IRAK1BP1: variants seen among roughly 807,000 people sequenced by gnomAD.
IRAK1BP1 encodes interleukin 1 receptor associated kinase 1 binding protein 1.
In IRAK1BP1, 24 loss-of-function variants were observed where a neutral mutation model predicts 28.0. That is an observed-to-expected ratio of 0.86 (90% confidence interval 0.62 to 1.20). IRAK1BP1 has a LOEUF of 1.20. Among genes scored for constraint, IRAK1BP1 ranks in the 50% most tolerant of loss-of-function variants. The probability of loss-of-function intolerance (pLI) is 0.00; values close to 1 mark genes in which losing one functional copy is unlikely to be tolerated. For synonymous variants in IRAK1BP1, 131 were observed against 116.3 expected, an observed-to-expected ratio of 1.13 and a Z score of -0.81; for missense variants, 336 against 316.7, an observed-to-expected ratio of 1.06 and a Z score of -0.46.
chr6:78,945,523 A>C (rs1399759390), exon 5 of IRAK1BP1: 1 of 1,413,634 alleles, frequency 7.1e-7, no homozygotes, highest in South Asian at 1.2e-5. Context: ...AAAATTTAAA[A>C]ATTAAGAGTT....
rs979179791 is a variant in IRAK1BP1 at position 78,902,435 on chromosome 6, A to C, written c.*4101A>C. 6.5e-6 allele frequency: 1 copy of C among 152,866 alleles called. No homozygotes were observed. The highest frequency in any genetic ancestry group is 3.4e-3 in the Middle Eastern group (1 of 296). 9.5% of individuals were successfully genotyped at this position (152,866 alleles called of 1,614,324 possible). A position where few individuals can be genotyped will look rare whatever the true frequency, so the allele number is the denominator to read the frequency against. ...GCTTGAGCCACTGCACCCAGCCCCA[A>C]ATAGCTTCTACTCATAACCTAGTGT... On this transcript the variant is annotated 3_prime_UTR_variant, in exon 4 of 4. Transcript: ENST00000369940.
At chr6:78,953,809 C>G in the IRAK1BP1 span, among the ~76,000 whole-genome samples, 1 of 152,248 alleles carries the variant, frequency 6.6e-6, no homozygotes, top group Non-Finnish European at 1.5e-5. Flanking sequence ...TGGTCTTGAA[C>G]TCCTGGCCTC....
the IRAK1BP1 span, chr6:78,955,152 T>C: frequency 1.9e-6 from 2 of 1,031,024 alleles, no homozygotes; most frequent in Non-Finnish European, 2.8e-6. Context: ...TTTAAAATGC[T>C]AAGAGTAAAA....
chr6:78,939,622 T>G (rs1773393037), intron 4 of IRAK1BP1: 1 of 151,960 alleles, frequency 6.6e-6, no homozygotes, highest in Non-Finnish European at 1.5e-5. Context: ...TTTATCAATA[T>G]ATACACATAC....
At chr6:78,936,429 G>T (rs1187931516) in intron 4 of IRAK1BP1, 1 of 151,768 alleles carries the variant, frequency 6.6e-6, no homozygotes, top group Non-Finnish European at 1.5e-5. Context: ...TCATGTTATA[G>T]TCTATCATTG....
downstream of IRAK1BP1, among the ~76,000 whole-genome samples, chr6:78,906,693 G>A (rs79063148): frequency 5.6e-3 from 859 of 152,224 alleles, 11 homozygotes; most frequent in African/African-American, 0.02. Context: ...AAAGGAAAAT[G>A]CATACTGATC....
At chr6:78,940,838 C>T (rs772190549) in intron 4 of IRAK1BP1, 1 of 1,613,954 alleles carries the variant, frequency 6.2e-7, no homozygotes, top group Non-Finnish European at 8.5e-7. Flanking sequence ...GAAAGCTGTC[C>T]TTCGACCTTG....
Position 78,934,513 on chromosome 6 carries a change from A to G in IRAK1BP1, c.*68-10895A>G, listed in dbSNP as rs560595353. 7.9e-5 allele frequency among the ~76,000 whole-genome samples: 12 copies of G among 152,356 alleles called. No individual in the cohort carries two copies. The East Asian group carries it at 1.3e-3, about 17-fold the overall frequency. On this transcript the variant is annotated intron_variant and NMD_transcript_variant, in intron 4 of 4. Transcript: ENST00000606868. ...ACAATAGTGTGTTGTAAAAACATTA[A>G]AAGTCCTTCTGCTAAGGGTTCAGAA...
chr6:78,960,137 CTACTG>C, the IRAK1BP1 span, among the ~76,000 whole-genome samples: 2 of 152,236 alleles, frequency 1.3e-5, no homozygotes, highest in South Asian at 4.1e-4. Context: ...AGTATGGTTT[CTACTG>C]AATTCATATC....
chr6:78,941,578 C>G (rs1773503996), intron 4 of IRAK1BP1, among the ~76,000 whole-genome samples: 1 of 152,112 alleles, frequency 6.6e-6, no homozygotes, highest in African/African-American at 2.4e-5. Flanking sequence ...AGTGACTTAT[C>G]TAAGTTAACA....
chr6:78,923,243 TG>T (rs1772791190), intron 4 of IRAK1BP1, among the ~76,000 whole-genome samples: 2 of 146,684 alleles, frequency 1.4e-5, no homozygotes, highest in Non-Finnish European at 3.0e-5. Context: ...ACCAAGCACA[TG>T]GAAAAAAAAA....
chr6:78,895,264 A>G (rs939024423), intron 2 of IRAK1BP1, among the ~76,000 whole-genome samples: 3 of 152,202 alleles, frequency 2.0e-5, no homozygotes, highest in African/African-American at 7.2e-5. Context: ...CAAAGAAGAA[A>G]TTGAAAAGGA....
downstream of IRAK1BP1, among the ~76,000 whole-genome samples, chr6:78,904,263 CT>C (rs1772202805): frequency 6.6e-6 from 1 of 152,190 alleles, no homozygotes; most frequent in South Asian, 2.1e-4. Flanking sequence ...GTAAACAAGC[CT>C]CTTAAATCAT....
At chr6:78,972,348 A>G in the IRAK1BP1 span, among the ~76,000 whole-genome samples, 1 of 152,202 alleles carries the variant, frequency 6.6e-6, no homozygotes, top group African/African-American at 2.4e-5. Context: ...TAACAAACAG[A>G]AAGGACATCC....
At chr6:78,903,659 TA>T (rs111662136), downstream of IRAK1BP1, among the ~76,000 whole-genome samples, 381 of 140,866 alleles carry the variant, frequency 2.7e-3, no homozygotes, top group Admixed American at 2.8e-3. Flanking sequence ...ATCCCTGAAT[TA>T]AAAAAAAAAA....
intron 4 of IRAK1BP1, among the ~76,000 whole-genome samples, chr6:78,910,507 A>G (rs1772375460): frequency 6.6e-6 from 1 of 152,256 alleles, no homozygotes; most frequent in African/African-American, 2.4e-5. Context: ...CATAGAAACA[A>G]TAGTTACTGT....
chr6:78,950,444 T>C (rs1420003366), downstream of IRAK1BP1, among the ~76,000 whole-genome samples: 1 of 152,218 alleles, frequency 6.6e-6, no homozygotes, highest in Non-Finnish European at 1.5e-5. Flanking sequence ...AAATGTTTGG[T>C]TGAATTCTCC....
intron 4 of IRAK1BP1, among the ~76,000 whole-genome samples, chr6:78,926,056 G>T (rs565037552): frequency 6.6e-6 from 1 of 152,014 alleles, no homozygotes; most frequent in South Asian, 2.1e-4. Flanking sequence ...TGGGAGGAGG[G>T]TGAAGATCAA....
intron 4 of IRAK1BP1, among the ~76,000 whole-genome samples, chr6:78,934,343 A>C (rs1477712014): frequency 1.3e-5 from 2 of 152,262 alleles, no homozygotes; most frequent in Non-Finnish European, 2.9e-5. Flanking sequence ...GCTGTTGGAA[A>C]AATGGTACTG....
Sources: gnomAD v4.1 joint callset for allele counts (sites outside exome capture counted in the v4.1 genomes callset) on GRCh38, gnomAD v4.1.1 for gene constraint, MANE v1.5 for transcripts, NCBI Gene and HGNC (gene_info 2026-07-23, HGNC 2026-07-21) for gene names.